Variants in SYNPR observed in about 807,000 individuals in gnomAD.
The protein encoded by SYNPR is synaptoporin.
A neutral mutation model predicts 32.9 loss-of-function variants in SYNPR; 23 were observed. The ratio of observed to expected loss-of-function variants is 0.70; its 90% confidence interval spans 0.50 to 0.99. The LOEUF is 0.99. SYNPR is among the 50% of genes least tolerant of loss of function. The pLI is 0.00. For synonymous variants in SYNPR, 146 were observed against 135.9 expected (o/e 1.07, Z -0.52); for missense variants, 318 against 349.3 (o/e 0.91, Z 0.71).
chr3:63,384,337 A>G (rs2088013540), intron 2 of SYNPR, among the ~76,000 whole-genome samples: 1 of 152,318 alleles, frequency 6.6e-6, no homozygotes, highest in Non-Finnish European at 1.5e-5. Flanking sequence ...ATTAATATAT[A>G]TCCTCCACGA....
intron 2 of SYNPR, among the ~76,000 whole-genome samples, chr3:63,263,119 C>T (rs34234949): frequency 0.83 from 126,264 of 152,256 alleles, 52,955 homozygotes; most frequent in African/African-American, 0.88. Context: ...GATGGGAACA[C>T]GGACTTAGTT....
At chr3:63,503,558 T>C (rs570377843) in intron 3 of SYNPR, among the ~76,000 whole-genome samples, 1 of 152,260 alleles carries the variant, frequency 6.6e-6, no homozygotes, top group South Asian at 2.1e-4. Flanking sequence ...TTTTTTACTG[T>C]TTTTTGTTTG....
chr3:63,293,051 GA>G (rs201973441), intron 2 of SYNPR, among the ~76,000 whole-genome samples: 17 of 150,978 alleles, frequency 1.1e-4, no homozygotes, highest in Admixed American at 6.6e-4. Flanking sequence ...CTGTTTCAGA[GA>G]AAAAAAAAGC....
At chr3:63,411,091 T>C (rs1294558128) in intron 2 of SYNPR, among the ~76,000 whole-genome samples, 1 of 152,156 alleles carries the variant, frequency 6.6e-6, no homozygotes, top group East Asian at 1.9e-4. Flanking sequence ...CTTCTGCTTC[T>C]TTAAGTAAAA....
intron 3 of SYNPR, among the ~76,000 whole-genome samples, chr3:63,552,217 A>T (rs1364894405): frequency 6.6e-6 from 1 of 152,144 alleles, no homozygotes; most frequent in African/African-American, 2.4e-5. Context: ...TATTATGTGA[A>T]CTATAAAGTT....
rs144293555 is a variant in SYNPR, at chr3:63,609,248, T to G, written c.532T>G (p.Cys178Gly). ...GGAAGTATTGCTACTAATGTCAGCT[T>G]GCAAACAGCCATCCAACAAATGCAT... ...PKEVLLLMSA[C>G]KQPSNKCMAI... Residue 178 changes from cysteine to glycine, a missense_variant, in exon 5 of 6, where the codon TGC becomes GGC. By Grantham distance (159) the Cys-to-Gly change is radical. Transcript: ENST00000478300. 1 of 1,607,216 alleles carries G rather than the reference T, an allele frequency of 6.2e-7. No homozygotes were observed. The highest frequency in any genetic ancestry group is 1.3e-5 in the African/African-American group (1 of 75,010).
At chr3:63,230,149 T>G (rs1276154568) in intron 1 of SYNPR, among the ~76,000 whole-genome samples, 1 of 152,168 alleles carries the variant, frequency 6.6e-6, no homozygotes. Flanking sequence ...TCTGGTAAAG[T>G]TGGAGCTTTA....
chr3:63,537,259 T>G (rs1231417207), intron 3 of SYNPR, among the ~76,000 whole-genome samples: 1 of 152,090 alleles, frequency 6.6e-6, no homozygotes, highest in East Asian at 1.9e-4. Flanking sequence ...ATGTACACAC[T>G]CTACCCTTTG....
chr3:63,607,270 T>C (rs1700138095), intron 4 of SYNPR, among the ~76,000 whole-genome samples: 1 of 152,186 alleles, frequency 6.6e-6, no homozygotes, highest in African/African-American at 2.4e-5. Context: ...AGCACATTAC[T>C]CAAAAATTAC....
At chr3:63,614,042 A>G (rs572510905) in intron 5 of SYNPR, among the ~76,000 whole-genome samples, 1 of 120,120 alleles carries the variant, frequency 8.3e-6, no homozygotes, top group South Asian at 2.8e-4. Flanking sequence ...TGCCACCACT[A>G]CCCACAGGCC....
intron 2 of SYNPR, among the ~76,000 whole-genome samples, chr3:63,356,488 T>C (rs1207150878): frequency 6.6e-6 from 1 of 152,254 alleles, no homozygotes; most frequent in Non-Finnish European, 1.5e-5. Context: ...TGTCATTACC[T>C]CTGTTACAGA....
intron 2 of SYNPR, among the ~76,000 whole-genome samples, chr3:63,342,015 C>A (rs2087376402): frequency 6.6e-6 from 1 of 152,056 alleles, no homozygotes; most frequent in Admixed American, 6.6e-5. Context: ...GATGTATGAT[C>A]CATTTTAATT....
At chr3:63,414,315 C>T (rs549920172) in intron 2 of SYNPR, among the ~76,000 whole-genome samples, 95 of 152,194 alleles carry the variant, frequency 6.2e-4, no homozygotes, top group African/African-American at 2.1e-3. Flanking sequence ...AAAAACCTCA[C>T]ACACAATAGG....
intron 2 of SYNPR, among the ~76,000 whole-genome samples, chr3:63,259,341 C>T (rs912757645): frequency 9.2e-5 from 14 of 152,126 alleles, no homozygotes; most frequent in Admixed American, 5.2e-4. Flanking sequence ...ACTGACACAC[C>T]GAATCCAGCA....
chr3:63,313,028 T>C (rs767738934), intron 2 of SYNPR, among the ~76,000 whole-genome samples: 30 of 152,008 alleles, frequency 2.0e-4, no homozygotes, highest in Non-Finnish European at 3.7e-4. Context: ...TCCTTTGTTA[T>C]TGCCTGGTTC....
chr3:63,452,561 G>A (rs1354385087), intron 2 of SYNPR, among the ~76,000 whole-genome samples: 2 of 152,164 alleles, frequency 1.3e-5, no homozygotes, highest in African/African-American at 2.4e-5. Flanking sequence ...AGTTTGCATA[G>A]ATGACATTTA....
chr3:63,249,800 T>G (rs933964279), intron 1 of SYNPR, among the ~76,000 whole-genome samples: 1 of 152,164 alleles, frequency 6.6e-6, no homozygotes, highest in Non-Finnish European at 1.5e-5. Flanking sequence ...TAATGTCAGC[T>G]TTTTTATTTT....
intron 4 of SYNPR, among the ~76,000 whole-genome samples, chr3:63,594,297 A>G (rs1170245150): frequency 6.6e-6 from 1 of 152,188 alleles, no homozygotes; most frequent in Non-Finnish European, 1.5e-5. Context: ...GATGTCTAGC[A>G]AATCACTTAA....
At chr3:63,434,449 C>G (rs1035728002) in intron 2 of SYNPR, among the ~76,000 whole-genome samples, 1 of 152,204 alleles carries the variant, frequency 6.6e-6, no homozygotes, top group East Asian at 1.9e-4. Flanking sequence ...CATCAATACA[C>G]TCAGTTGGCT....
Sources: gnomAD v4.1 joint callset for allele counts (sites outside exome capture counted in the v4.1 genomes callset) on GRCh38, gnomAD v4.1.1 for gene constraint, MANE v1.5 for transcripts, NCBI Gene and HGNC (gene_info 2026-07-23, HGNC 2026-07-21) for gene names.